Variants in NALF1 observed in about 807,000 individuals in gnomAD.
NALF1 encodes the protein NALCN channel auxiliary factor 1.
NALF1 carries 3 observed loss-of-function variants against 48.4 expected under a neutral mutation model. That is an observed-to-expected ratio of 0.06 (90% CI 0.03 to 0.16). The LOEUF (loss-of-function observed/expected upper bound fraction) is 0.16. NALF1 is among the 10% of genes least tolerant of loss of function. The probability of loss-of-function intolerance (pLI) is 1.00; values close to 1 mark genes in which losing one functional copy is unlikely to be tolerated. For missense variants in NALF1, 526 were observed against 571.5 expected (o/e 0.92, Z 0.81); for synonymous variants, 262 against 245.7 (o/e 1.07, Z -0.62).
intron 1 of NALF1, among the ~76,000 whole-genome samples, chr13:107,322,196 T>C (rs1397282911): frequency 1.3e-5 from 2 of 152,188 alleles, no homozygotes; most frequent in African/African-American, 4.8e-5. Flanking sequence ...CAAGTTGCTA[T>C]TTTTCCTCTT....
At chr13:107,697,521 C>T (rs949584847) in intron 1 of NALF1, among the ~76,000 whole-genome samples, 2 of 151,868 alleles carry the variant, frequency 1.3e-5, no homozygotes, top group Non-Finnish European at 2.9e-5. Context: ...AATTAGTTTC[C>T]TACATTAAGC....
intron 1 of NALF1, among the ~76,000 whole-genome samples, chr13:107,306,897 C>T (rs1349298692): frequency 2.0e-5 from 3 of 152,038 alleles, no homozygotes; most frequent in South Asian, 2.1e-4. Flanking sequence ...CCCGGGAGGT[C>T]GGGTGTGCAG....
chr13:107,551,102 ATTC>A (rs377157358), intron 1 of NALF1, among the ~76,000 whole-genome samples: 227 of 152,110 alleles, frequency 1.5e-3, no homozygotes, highest in African/African-American at 5.0e-3. Context: ...ACCTTGCTGT[ATTC>A]TTCTCTCTCT....
chr13:107,797,399 G>A (rs914097557), intron 1 of NALF1, among the ~76,000 whole-genome samples: 1 of 151,774 alleles, frequency 6.6e-6, no homozygotes, highest in East Asian at 1.9e-4. Context: ...TTAGTAGAGA[G>A]GGGGTTTCAC....
At chr13:107,423,182 T>C (rs1884222459) in intron 1 of NALF1, among the ~76,000 whole-genome samples, 1 of 152,208 alleles carries the variant, frequency 6.6e-6, no homozygotes, top group South Asian at 2.1e-4. Context: ...TTAATCCCTG[T>C]GGTGGAAGTC....
At chr13:107,420,560 G>A (rs1884168551) in intron 1 of NALF1, among the ~76,000 whole-genome samples, 1 of 152,038 alleles carries the variant, frequency 6.6e-6, no homozygotes, top group Non-Finnish European at 1.5e-5. Context: ...CATCATAGTG[G>A]TAGTCACTTA....
At chr13:107,237,142 C>T (rs1880370008) in intron 1 of NALF1, among the ~76,000 whole-genome samples, 1 of 148,538 alleles carries the variant, frequency 6.7e-6, no homozygotes, top group African/African-American at 2.5e-5. Flanking sequence ...TAAACACAGA[C>T]AAAATACGTA....
intron 1 of NALF1, among the ~76,000 whole-genome samples, chr13:107,717,087 C>T (rs527405972): frequency 2.0e-5 from 3 of 152,314 alleles, no homozygotes; most frequent in East Asian, 1.9e-4. Flanking sequence ...ACATCACCCA[C>T]ATATCCCATG....
intron 1 of NALF1, among the ~76,000 whole-genome samples, chr13:107,365,814 C>T (rs1382463859): frequency 6.6e-6 from 1 of 152,178 alleles, no homozygotes; most frequent in Non-Finnish European, 1.5e-5. Context: ...CAAATACCCT[C>T]AAACTGCACT....
intron 1 of NALF1, among the ~76,000 whole-genome samples, chr13:107,857,617 A>G (rs1007268497): frequency 1.3e-5 from 2 of 152,170 alleles, no homozygotes; most frequent in Non-Finnish European, 2.9e-5. Flanking sequence ...ATAGAGAAAA[A>G]AATTCCAGCC....
chr13:107,543,698 T>A (rs1877056164), intron 1 of NALF1, among the ~76,000 whole-genome samples: 1 of 150,572 alleles, frequency 6.6e-6, no homozygotes, highest in South Asian at 2.1e-4. Context: ...TATATACACG[T>A]ATATATATAC....
chr13:107,341,397 G>C (rs1882678372), intron 1 of NALF1, among the ~76,000 whole-genome samples: 1 of 151,862 alleles, frequency 6.6e-6, no homozygotes, highest in Non-Finnish European at 1.5e-5. Flanking sequence ...AGCCTCCTCA[G>C]TGCCTTGCAT....
intron 1 of NALF1, among the ~76,000 whole-genome samples, chr13:107,356,627 T>C (rs971696348): frequency 6.6e-6 from 1 of 152,196 alleles, no homozygotes; most frequent in Non-Finnish European, 1.5e-5. Flanking sequence ...AGAAATGTGA[T>C]ATTAAATACA....
chr13:107,603,347 G>A (rs1878983212), intron 1 of NALF1, among the ~76,000 whole-genome samples: 1 of 152,156 alleles, frequency 6.6e-6, no homozygotes, highest in Non-Finnish European at 1.5e-5. Flanking sequence ...CCATGTGCTA[G>A]CCAAAATTGC....
chr13:107,369,282 G>A (rs888345201), intron 1 of NALF1, among the ~76,000 whole-genome samples: 1 of 151,982 alleles, frequency 6.6e-6, no homozygotes, highest in African/African-American at 2.4e-5. Context: ...TTTTTAGTAT[G>A]TGCACTATAA....
At chr13:107,353,109 T>C (rs909859268) in intron 1 of NALF1, among the ~76,000 whole-genome samples, 2 of 152,062 alleles carry the variant, frequency 1.3e-5, no homozygotes, top group African/African-American at 2.4e-5. Context: ...GATTTACCAC[T>C]TCTCAAAAAA....
chr13:107,707,033 C>T (rs1219745440), intron 1 of NALF1, among the ~76,000 whole-genome samples: 1 of 147,670 alleles, frequency 6.8e-6, no homozygotes, highest in Non-Finnish European at 1.5e-5. Context: ...CGCCATTCTC[C>T]TGCCTCAGCC....
intron 1 of NALF1, among the ~76,000 whole-genome samples, chr13:107,309,319 C>G (rs781564013): frequency 4.5e-4 from 69 of 152,310 alleles, no homozygotes; most frequent in Non-Finnish European, 8.7e-4. Flanking sequence ...TTCATCTCTT[C>G]TGATTTCTCT....
At chr13:107,769,690 T>TTA (rs1379736657) in intron 1 of NALF1, among the ~76,000 whole-genome samples, 1 of 147,048 alleles carries the variant, frequency 6.8e-6, no homozygotes, top group East Asian at 2.0e-4. Context: ...TAAAGTATAA[T>TTA]AAAAAAAAAA....
Sources: allele counts gnomAD v4.1 joint callset (sites outside exome capture counted in the v4.1 genomes callset), GRCh38; gene constraint gnomAD v4.1.1; transcripts MANE v1.5; gene names NCBI Gene and HGNC (gene_info 2026-07-23, HGNC 2026-07-21).